Variants in ALS2 observed in about 807,000 individuals in gnomAD.
ALS2 encodes alsin.
A neutral mutation model predicts 203.4 loss-of-function variants in ALS2; 117 were observed. The ratio of observed to expected loss-of-function variants is 0.58; its 90% CI spans 0.50 to 0.67. The LOEUF is 0.67. Ranked by LOEUF, ALS2 falls within the 30% of genes least tolerant of loss-of-function variation. The pLI, the probability that ALS2 is intolerant of heterozygous loss-of-function variation, is 0.00. For synonymous variants in ALS2, 718 were observed against 725.9 expected (o/e 0.99, Z 0.17); for missense variants, 1,715 against 1,989.4 (o/e 0.86, Z 2.62).
rs559619901 is a variant in ALS2 at position 201,775,792 on chromosome 2, C to G, written c.-61+5085G>C. Among the ~76,000 whole-genome samples the G allele has an allele frequency of 3.9e-5, 6 of 152,304 alleles. No individual in the cohort carries two copies. In the South Asian group the frequency reaches 1.2e-3, roughly 32 times the overall value. ...AGTAAGAGAATTCAGTAAATTAAGG[C>G]ATTGGATATATTCGGTAGGCTGGCC... On this transcript the variant is annotated intron_variant, in intron 1 of 33. Coordinates refer to ENST00000264276, the MANE Select transcript of ALS2 (RefSeq NM_020919.4).
chr2:201,769,328 A>G (rs975545211), intron 1 of ALS2, among the ~76,000 whole-genome samples: 1 of 152,254 alleles, frequency 6.6e-6, no homozygotes, highest in East Asian at 1.9e-4. Context: ...GGAATGCATG[A>G]AGACTTAAAT....
chr2:201,769,221 G>GT (rs1367137365), intron 1 of ALS2, among the ~76,000 whole-genome samples: 1 of 152,066 alleles, frequency 6.6e-6, no homozygotes, highest in Non-Finnish European at 1.5e-5. Flanking sequence ...AATAGATTTT[G>GT]TTTTTTATTA....
intron 1 of ALS2, among the ~76,000 whole-genome samples, chr2:201,779,676 G>A (rs1694812451): frequency 6.6e-6 from 1 of 152,170 alleles, no homozygotes; most frequent in East Asian, 1.9e-4. Context: ...ACACGTAAAG[G>A]TACTGTTATC....
chr2:201,720,024 T>A (rs1690667101), intron 23 of ALS2: 1 of 327,914 alleles, frequency 3.0e-6, no homozygotes, highest in African/African-American at 2.3e-5. Context: ...ATTGGTGAAT[T>A]CTCCCAAACA....
intron 11 of ALS2, among the ~76,000 whole-genome samples, chr2:201,740,210 C>CT (rs1442878149): frequency 1.3e-5 from 2 of 151,828 alleles, no homozygotes; most frequent in African/African-American, 2.4e-5. Context: ...ACCTGTAGTC[C>CT]TAGCTTCTTG....
chr2:201,718,297 T>C (rs1209848246), intron 23 of ALS2, 87 bp from the exon 24 acceptor site: 5 of 1,460,172 alleles, frequency 3.4e-6, no homozygotes, highest in Non-Finnish European at 4.7e-6. Flanking sequence ...TCTCACTCTG[T>C]TGCCCAGGCT....
chr2:201,757,537 A>G lies in ALS2; in HGVS notation c.1336T>C (p.Leu446=), dbSNP rs754205105. The change falls in exon 5 of 34, where the codon TTG becomes CTG. Residue 446 remains leucine, a synonymous_variant. Coordinates refer to ENST00000264276, the MANE Select transcript of ALS2 (RefSeq NM_020919.4). The stretch of plus-strand genomic sequence containing the variant: ...ACCTGTTCTTCCCTGCTATCTTTCA[A>G]ACCTTCGGGGCCAATGGCACTACTG... ...AGSSAIGPEG[L]KDSREEQVKQ... is the part of the protein sequence containing the mutation. 1.2e-6 allele frequency: 2 copies of G among 1,614,088 alleles called. No homozygotes were observed. Among genetic ancestry groups the G allele is most frequent in the Middle Eastern group, 1.6e-4 (1 of 6,062 alleles).
At position 201,754,691 on chromosome 2, in the gene ALS2, G is replaced by A. The variant is rs545718108; in HGVS notation, c.1472-20C>T. The A allele has an allele frequency of 2.6e-5, 42 of 1,604,790 alleles. No individual in the cohort carries two copies. The East Asian group carries it at 9.4e-4, about 36-fold the overall frequency. ...GGGAAACTGAAAACCAACCAGACGT[G>A]GGGTGAAGGAGTGGGAGTCCAGAGG... On this transcript the variant is annotated intron_variant, in intron 5 of 33. Transcript: ENST00000264276.
intron 11 of ALS2, among the ~76,000 whole-genome samples, chr2:201,739,280 T>G (rs894901853): frequency 4.0e-5 from 6 of 150,288 alleles, no homozygotes; most frequent in Non-Finnish European, 7.4e-5. Flanking sequence ...AAAAGGAAAT[T>G]TTAAAAACAC....
intron 9 of ALS2, among the ~76,000 whole-genome samples, chr2:201,745,221 G>C (rs184540814): frequency 3.9e-5 from 6 of 152,260 alleles, no homozygotes; most frequent in Admixed American, 3.3e-4. Context: ...CTTTAAATTT[G>C]TTTTGTTTTG....
At chr2:201,729,495 T>C (rs764860592) in intron 13 of ALS2, among the ~76,000 whole-genome samples, 64 of 152,208 alleles carry the variant, frequency 4.2e-4, no homozygotes, top group Non-Finnish European at 7.5e-4. Context: ...GGGATCCCTT[T>C]ATTTTTCTTA....
intron 1 of ALS2, among the ~76,000 whole-genome samples, chr2:201,770,175 T>C (rs548828876): frequency 2.6e-5 from 4 of 152,346 alleles, no homozygotes; most frequent in African/African-American, 4.8e-5. Flanking sequence ...TCAGAGATCA[T>C]GGAGTTACTA....
At chr2:201,715,619 A>G in intron 25 of ALS2, 53 bp downstream of exon 25, 1 of 1,602,844 alleles carries the variant, frequency 6.2e-7, no homozygotes, top group Non-Finnish European at 8.5e-7. Context: ...TACTGGTCTT[A>G]AGTTTCATCT....
intron 4 of ALS2, among the ~76,000 whole-genome samples, chr2:201,758,759 C>CGTGTGTGTGTGT (rs74613232): frequency 7.6e-6 from 1 of 132,004 alleles, no homozygotes; most frequent in African/African-American, 3.2e-5. Flanking sequence ...TGTGTGTGCG[C>CGTGTGTGTGTGT]ATGTGTGTGT....
chr2:201,768,228 T>C (rs1268834930), intron 2 of ALS2, among the ~76,000 whole-genome samples: 3 of 146,266 alleles, frequency 2.1e-5, no homozygotes, highest in African/African-American at 7.3e-5. Flanking sequence ...TTTGCTCAAG[T>C]TCTAGCTAAA....
chr2:201,745,997 G>A (rs1284387168), intron 9 of ALS2, among the ~76,000 whole-genome samples: 1 of 151,924 alleles, frequency 6.6e-6, no homozygotes, highest in African/African-American at 2.4e-5. Flanking sequence ...GAGAAGTGAA[G>A]CAGGGAAAAA....
intron 24 of ALS2, 33 bp from the exon 25 acceptor site, chr2:201,715,872 T>C (rs1189377984): frequency 6.2e-7 from 1 of 1,613,398 alleles, no homozygotes; most frequent in Non-Finnish European, 8.5e-7. Context: ...TTATTAATCA[T>C]TTCTTTTGTG....
At position 201,727,087 on chromosome 2, in the gene ALS2, G is replaced by T. The variant is rs189412308; in HGVS notation, c.2979+125C>A. The T allele has an allele frequency of 2.7e-4, 280 of 1,038,682 alleles. 2 individuals carry two copies. The African/African-American group carries it at 4.0e-3, about 15-fold the overall frequency. 64.3% of individuals were successfully genotyped at this position (1,038,682 alleles called of 1,614,324 possible). A position where few individuals can be genotyped will look rare whatever the true frequency, so the allele number is the denominator to read the frequency against. The stretch of plus-strand genomic sequence containing the variant: ...GAAGAACCTACAGTTTTGGGTTAAT[G>T]AAGATTTATCAGACAGAACTGTGCA... On this transcript the variant is annotated intron_variant, in intron 17 of 33. Coordinates refer to ENST00000264276, the MANE Select transcript of ALS2 (RefSeq NM_020919.4).
chr2:201,737,189 A>G (rs1691927169), intron 12 of ALS2, among the ~76,000 whole-genome samples: 1 of 152,184 alleles, frequency 6.6e-6, no homozygotes, highest in Non-Finnish European at 1.5e-5. Flanking sequence ...TTTATATAGC[A>G]TTTATATTTT....
Sources: allele counts gnomAD v4.1 joint callset (sites outside exome capture counted in the v4.1 genomes callset), GRCh38; gene constraint gnomAD v4.1.1; transcripts MANE v1.5; gene names NCBI Gene and HGNC (gene_info 2026-07-23, HGNC 2026-07-21).